The following CEP170 variants were observed in gnomAD, a reference collection of about 807,000 sequenced individuals.
The protein encoded by CEP170 is centrosomal protein of 170 kDa.
CEP170 carries 21 observed loss-of-function variants against 151.9 expected under a neutral mutation model. The observed-to-expected ratio is 0.14, with a 90% confidence interval of 0.10 to 0.20. The LOEUF is 0.20. Among genes scored for constraint, CEP170 ranks in the 10% least tolerant of loss-of-function variants. The pLI, the probability that CEP170 is intolerant of heterozygous loss-of-function variation, is 1.00. For synonymous variants in CEP170, 356 were observed against 648.8 expected, an observed-to-expected ratio of 0.55 and a Z score of 6.86; for missense variants, 964 against 1,892.9, an observed-to-expected ratio of 0.51 and a Z score of 9.11.
At chr1:243,228,696 T>C (rs1207763486) in intron 1 of CEP170, among the ~76,000 whole-genome samples, 1 of 152,114 alleles carries the variant, frequency 6.6e-6, no homozygotes, top group African/African-American at 2.4e-5. Context: ...AACTAAAACA[T>C]GACAGCCAAA....
intron 14 of CEP170, among the ~76,000 whole-genome samples, chr1:243,147,215 G>C (rs1380527039): frequency 1.3e-5 from 2 of 152,236 alleles, no homozygotes; most frequent in East Asian, 3.8e-4. Flanking sequence ...TACATGCCTT[G>C]TAAATACTTG....
At chr1:243,211,174 T>A (rs1412794629) in intron 4 of CEP170, 1 of 151,296 alleles carries the variant, frequency 6.6e-6, no homozygotes, top group African/African-American at 2.4e-5. Context: ...TGTACATAAA[T>A]CCTTTTTACA....
chr1:243,185,941 C>G lies in CEP170; in HGVS notation c.1404G>C (p.Gly468=). The change falls in exon 10 of 20, where the codon GGG becomes GGC. Residue 468 remains glycine (G), a synonymous_variant. Coordinates refer to ENST00000366542, the MANE Select transcript of CEP170 (RefSeq NM_014812.3). The surrounding 1 kb of genome is among the most constrained non-coding windows in gnomAD (Gnocchi z 4.9). ...TALLRSSGSL[G]HRPSQEMDKM... ...TATCCATCTCCTGGCTTGGTCTGTGCCCAAGACTCCCTGAACTTCTTAATA... is the reference window on the plus strand; with the variant it reads ...TATCCATCTCCTGGCTTGGTCTGTGGCCAAGACTCCCTGAACTTCTTAATA... 1 of 1,613,696 alleles carries G rather than the reference C, an allele frequency of 6.2e-7. No individual in the cohort carries two copies. The highest frequency in any genetic ancestry group is 8.5e-7 in the Non-Finnish European group (1 of 1,179,706).
intron 6 of CEP170, 134 bp from the exon 7 acceptor site, chr1:243,199,328 C>G (rs2060870038): frequency 2.4e-6 from 2 of 818,608 alleles, no homozygotes; most frequent in Non-Finnish European, 3.7e-6. Flanking sequence ...AAAATGTACT[C>G]TATACTGAAT....
chr1:243,161,774 G>A (rs921965788), intron 13 of CEP170, among the ~76,000 whole-genome samples: 2 of 152,060 alleles, frequency 1.3e-5, no homozygotes, highest in Non-Finnish European at 2.9e-5. Flanking sequence ...ACTGTGCACA[G>A]CAACACTGAT....
chr1:243,127,640 TA>T (rs1558351428), intron 19 of CEP170, among the ~76,000 whole-genome samples: 10 of 150,996 alleles, frequency 6.6e-5, no homozygotes, highest in African/African-American at 2.5e-4. Flanking sequence ...GATTATTCGA[TA>T]GATAAAGACT....
chr1:243,132,169 C>G (rs1008204723), intron 17 of CEP170, among the ~76,000 whole-genome samples: 1 of 152,176 alleles, frequency 6.6e-6, no homozygotes, highest in African/African-American at 2.4e-5. Context: ...TAACTCCTGA[C>G]ACAAAGCTTA....
intron 1 of CEP170, among the ~76,000 whole-genome samples, chr1:243,235,267 G>C (rs1452644401): frequency 6.6e-6 from 1 of 152,170 alleles, no homozygotes; most frequent in African/African-American, 2.4e-5. Context: ...TCAGGCCGGG[G>C]TGGTCTACGG....
intron 15 of CEP170, among the ~76,000 whole-genome samples, chr1:243,141,597 C>G (rs1332587929): frequency 2.0e-5 from 3 of 152,180 alleles, no homozygotes; most frequent in African/African-American, 4.8e-5. Context: ...TACATTTCTG[C>G]CCCAAATCAA....
chr1:243,170,610 A>G (rs1342903270), intron 11 of CEP170, among the ~76,000 whole-genome samples: 1 of 152,114 alleles, frequency 6.6e-6, no homozygotes, highest in East Asian at 1.9e-4. Flanking sequence ...CCTGGCCAAC[A>G]TGGCGAAACC....
At position 243,124,894 on chromosome 1, in the gene CEP170, T is replaced by C. The variant is rs1022488240; in HGVS notation, c.*1555A>G. ...GTTCATTTACCTTTTTTTTTTTGTA[T>C]TTAAAGAAAAATAGGAGATCCATTA... On this transcript the variant is annotated 3_prime_UTR_variant, in exon 20 of 20. Transcript: ENST00000366542. 1 of 152,534 alleles carries C rather than the reference T, an allele frequency of 6.6e-6. No individual in the cohort carries two copies. The highest frequency in any genetic ancestry group is 2.4e-5 in the African/African-American group (1 of 41,444). The allele number at this position is 152,534 out of a possible 1,614,324, so 9.4% of individuals were successfully genotyped here. A position where few individuals can be genotyped will look rare whatever the true frequency, so the allele number is the denominator to read the frequency against.
intron 4 of CEP170, among the ~76,000 whole-genome samples, chr1:243,206,062 A>C (rs1558585205): frequency 6.6e-6 from 1 of 152,224 alleles, no homozygotes; most frequent in South Asian, 2.1e-4. Flanking sequence ...ATAATGTGAG[A>C]ATACAGTGGA....
intron 3 of CEP170, among the ~76,000 whole-genome samples, chr1:243,220,729 G>A (rs982825505): frequency 3.3e-5 from 5 of 152,280 alleles, no homozygotes; most frequent in Admixed American, 2.6e-4. Flanking sequence ...GCTTGTGTTA[G>A]CAGAACCATA....
At position 243,145,705 on chromosome 1, in the gene CEP170, G is replaced by C. The variant is rs546232785; in HGVS notation, c.3912-3242C>G. 2.8e-4 allele frequency among the ~76,000 whole-genome samples: 43 copies of C among 152,236 alleles called. No homozygotes were observed. In the South Asian group the frequency reaches 7.7e-3, roughly 27 times the overall value. ...ATTACTGGAAAAAAGCAACTGGTGG[G>C]CTATTAATGAAGTATACTAGCTTTA... On this transcript the variant is annotated intron_variant, in intron 14 of 19. Coordinates refer to ENST00000366542, the MANE Select transcript of CEP170 (RefSeq NM_014812.3).
At chr1:243,245,244 G>T (rs1291800879) in intron 1 of CEP170, among the ~76,000 whole-genome samples, 5 of 151,752 alleles carry the variant, frequency 3.3e-5, no homozygotes, top group African/African-American at 9.7e-5. Context: ...ATTGATAAAA[G>T]AAATTTAAAT....
chr1:243,197,492 G>A (rs2060732076), intron 7 of CEP170, among the ~76,000 whole-genome samples: 2 of 152,090 alleles, frequency 1.3e-5, no homozygotes, highest in South Asian at 4.1e-4. Context: ...ACCTGTGAGA[G>A]GCCAATGAGA....
intron 1 of CEP170, among the ~76,000 whole-genome samples, chr1:243,237,269 G>A (rs1223039715): frequency 1.3e-5 from 2 of 152,102 alleles, no homozygotes; most frequent in Non-Finnish European, 2.9e-5. Flanking sequence ...CTGTGATGAT[G>A]GAAATATTCC....
At chr1:243,131,378 G>C (rs2054385539) in intron 17 of CEP170, among the ~76,000 whole-genome samples, 2 of 152,022 alleles carry the variant, frequency 1.3e-5, no homozygotes, top group African/African-American at 4.8e-5. Context: ...TGTAGTCCTA[G>C]CTACTAAGAA....
At chr1:243,186,641 G>A in intron 8 of CEP170, 3 of 507,832 alleles carry the variant, frequency 5.9e-6, no homozygotes, top group Non-Finnish European at 1.0e-5. Flanking sequence ...AACTGAATAG[G>A]ATCGCCTTTC....
Sources: allele counts gnomAD v4.1 joint callset (sites outside exome capture counted in the v4.1 genomes callset), GRCh38; gene constraint gnomAD v4.1.1; non-coding constraint Gnocchi (gnomAD v3.1); transcripts MANE v1.5; gene names NCBI Gene and HGNC (gene_info 2026-07-23, HGNC 2026-07-21).